The following CDH20 variants were observed in gnomAD, a reference collection of about 807,000 sequenced individuals.
The protein encoded by CDH20 is cadherin 20.
A neutral mutation model predicts 74.2 loss-of-function variants in CDH20; 29 were observed. The ratio of observed to expected loss-of-function variants is 0.39; its 90% CI spans 0.29 to 0.53. CDH20 has a LOEUF of 0.53. CDH20 is among the 20% of genes least tolerant of loss of function. CDH20 has a pLI of 0.69. For missense variants in CDH20, 988 were observed against 1,048.3 expected (o/e 0.94, Z 0.79); for synonymous variants, 469 against 405.4 (o/e 1.16, Z -1.88).
intron 1 of CDH20, among the ~76,000 whole-genome samples, chr18:61,352,221 T>C (rs2144114492): frequency 6.6e-6 from 1 of 152,316 alleles, no homozygotes; most frequent in South Asian, 2.1e-4. Context: ...GTCATGTCTG[T>C]TTGTGACAGC....
At chr18:61,507,615 A>C in intron 6 of CDH20, 55 bp downstream of exon 6, 1 of 1,322,522 alleles carries the variant, frequency 7.6e-7, no homozygotes, top group Non-Finnish European at 1.1e-6. Context: ...ATGTTTATGA[A>C]ATGCTAGTAA....
At chr18:61,452,160 T>C (rs1909413753) in intron 1 of CDH20, among the ~76,000 whole-genome samples, 1 of 152,194 alleles carries the variant, frequency 6.6e-6, no homozygotes, top group African/African-American at 2.4e-5. Flanking sequence ...TCAGTTCTTA[T>C]ATTGTTAAAC....
At chr18:61,336,788 T>G (rs922360431) in intron 1 of CDH20, among the ~76,000 whole-genome samples, 22 of 137,738 alleles carry the variant, frequency 1.6e-4, no homozygotes, top group African/African-American at 5.3e-4. Flanking sequence ...AGAGCTGCAG[T>G]GGCGAGAACA....
At chr18:61,553,175 C>G (rs1913495754) in intron 11 of CDH20, among the ~76,000 whole-genome samples, 1 of 152,026 alleles carries the variant, frequency 6.6e-6, no homozygotes, top group South Asian at 2.1e-4. Context: ...TATGAATGTA[C>G]TCCACTTTCT....
At chr18:61,450,061 T>TAGC (rs373273228) in intron 1 of CDH20, among the ~76,000 whole-genome samples, 281 of 152,062 alleles carry the variant, frequency 1.8e-3, no homozygotes, top group African/African-American at 5.7e-3. Flanking sequence ...CATATTTTAG[T>TAGC]AGCAGCAGCA....
chr18:61,413,040 A>G lies in CDH20; in HGVS notation c.-152-77362A>G, dbSNP rs142578934. ...AACAAAAAATGAAGTCAGGAGACGG[A>G]GACGAATCCCTGAACTAAAGCAGAG... On this transcript the variant is annotated intron_variant, in intron 1 of 11. Transcript: ENST00000262717. Among the ~76,000 whole-genome samples, 4 of 152,364 alleles carry G rather than the reference A, an allele frequency of 2.6e-5. No homozygotes were observed. In the East Asian group the frequency reaches 7.7e-4, roughly 29 times the overall value.
chr18:61,506,728 T>G lies in CDH20; in HGVS notation c.830-645T>G, dbSNP rs532612547. Among the ~76,000 whole-genome samples the G allele has an allele frequency of 3.0e-4, 45 of 152,326 alleles. No individual in the cohort carries two copies. In the South Asian group the frequency reaches 7.9e-3, roughly 27 times the overall value. On this transcript the variant is annotated intron_variant, in intron 5 of 11. Transcript: ENST00000262717. ...CTTACATATGTGAGAACCTTTTTAG[T>G]ATTTTATTCTGGAATAAGAAAACAA...
At chr18:61,539,904 C>T (rs1426641596) in intron 9 of CDH20, among the ~76,000 whole-genome samples, 1 of 152,142 alleles carries the variant, frequency 6.6e-6, no homozygotes, top group East Asian at 1.9e-4. Context: ...TAAAGGTCTA[C>T]TTATTTGAAA....
Position 61,490,392 on chromosome 18 carries a change from A to T in CDH20, c.-152-10A>T, listed in dbSNP as rs1910912261. ...GACATCATCACACTGTGTTTTCCTT[A>T]ACTTGACAGGAAGTCAACTTCAAGC... On this transcript the variant is annotated splice_polypyrimidine_tract_variant and intron_variant, in intron 1 of 11. Transcript: ENST00000262717. 2.9e-6 allele frequency: 2 copies of T among 686,164 alleles called. No homozygotes were observed. The highest frequency in any genetic ancestry group is 2.4e-6 in the Non-Finnish European group (1 of 409,930). 42.5% of individuals were successfully genotyped at this position (686,164 alleles called of 1,614,324 possible).
chr18:61,538,608 G>GTTTTTTTTTTTTTTTTTTT (rs1449356386), intron 8 of CDH20, among the ~76,000 whole-genome samples: 4 of 36,334 alleles, frequency 1.1e-4, no homozygotes, highest in Non-Finnish European at 2.4e-4. Context: ...TTTTGTTTTT[G>GTTTTTTTTTTTTTTTTTTT]TTTTTGTTTT....
At chr18:61,527,366 AATAGATAGATAGATAG>A (rs10585438) in intron 6 of CDH20, among the ~76,000 whole-genome samples, 25 of 142,148 alleles carry the variant, frequency 1.8e-4, no homozygotes, top group South Asian at 1.6e-3. Flanking sequence ...TGAATATTCT[AATAGATAGATAGATAG>A]ATAGATAGAT....
In CDH20 at chr18:61,533,169, G is replaced by C. The variant is rs1912707065; in HGVS notation, c.1272-3324G>C. Among the ~76,000 whole-genome samples the C allele has an allele frequency of 2.0e-5, 3 of 152,232 alleles. No individual in the cohort carries two copies. The South Asian group carries it at 6.2e-4, about 32-fold the overall frequency. On this transcript the variant is annotated intron_variant, in intron 7 of 11. Coordinates refer to ENST00000262717, the MANE Select transcript of CDH20 (RefSeq NM_031891.4). Reference sequence around the variant, plus strand: ...ATAAAAAAAATTTAATTATCCAGGTGGGGTGGTACCTGCCTCTAGTTCCAA... The same window carrying C: ...ATAAAAAAAATTTAATTATCCAGGTCGGGTGGTACCTGCCTCTAGTTCCAA...
chr18:61,540,474 G>A (rs539380654), intron 9 of CDH20, among the ~76,000 whole-genome samples: 13 of 152,274 alleles, frequency 8.5e-5, no homozygotes, highest in South Asian at 4.1e-4. Context: ...GGTGGAAGGC[G>A]AAAGGCACAT....
intron 1 of CDH20, among the ~76,000 whole-genome samples, chr18:61,431,946 T>C (rs1160268297): frequency 6.6e-6 from 1 of 152,022 alleles, no homozygotes; most frequent in Non-Finnish European, 1.5e-5. Context: ...TTTAGAAAGA[T>C]AAATTATAGG....
At chr18:61,362,606 A>G (rs1568111008) in intron 1 of CDH20, among the ~76,000 whole-genome samples, 1 of 152,210 alleles carries the variant, frequency 6.6e-6, no homozygotes, top group East Asian at 1.9e-4. Context: ...AGATGAAAGT[A>G]TGAGGAAGAG....
intron 1 of CDH20, among the ~76,000 whole-genome samples, chr18:61,354,707 G>T (rs1240852832): frequency 6.6e-6 from 1 of 152,034 alleles, no homozygotes; most frequent in East Asian, 1.9e-4. Flanking sequence ...GGATCTAAAA[G>T]TAACCCCCTG....
At chr18:61,404,630 A>G (rs1410339713) in intron 1 of CDH20, among the ~76,000 whole-genome samples, 1 of 152,202 alleles carries the variant, frequency 6.6e-6, no homozygotes. Flanking sequence ...GGATTTACCC[A>G]GCAATTTTAA....
chr18:61,361,389 A>G (rs996248472), intron 1 of CDH20, among the ~76,000 whole-genome samples: 1 of 152,224 alleles, frequency 6.6e-6, no homozygotes, highest in South Asian at 2.1e-4. Context: ...TAGTTGTTCA[A>G]TTTGCTAGAT....
At position 61,430,677 on chromosome 18, in the gene CDH20, C is replaced by T. The variant is rs370442127; in HGVS notation, c.-152-59725C>T. On this transcript the variant is annotated intron_variant, in intron 1 of 11. Coordinates refer to ENST00000262717, the MANE Select transcript of CDH20 (RefSeq NM_031891.4). Reference sequence around the variant, plus strand: ...TGAACTAATGGATATTCATTGTATACTTTGGGTTATAATCCAATACTATAT... The same window carrying T: ...TGAACTAATGGATATTCATTGTATATTTTGGGTTATAATCCAATACTATAT... 5.9e-5 allele frequency among the ~76,000 whole-genome samples: 9 copies of T among 152,266 alleles called. No homozygotes were observed. The East Asian group carries it at 1.5e-3, about 26-fold the overall frequency.
Sources: gnomAD v4.1 joint callset for allele counts (sites outside exome capture counted in the v4.1 genomes callset) on GRCh38, gnomAD v4.1.1 for gene constraint, MANE v1.5 for transcripts, NCBI Gene and HGNC (gene_info 2026-07-23, HGNC 2026-07-21) for gene names.